PTGER3: variants seen among roughly 807,000 people sequenced by gnomAD.
PTGER3 encodes the protein prostaglandin E receptor 3.
A neutral mutation model predicts 34.7 loss-of-function variants in PTGER3; 22 were observed. The ratio of observed to expected loss-of-function variants is 0.63; its 90% CI spans 0.45 to 0.91. PTGER3 has a LOEUF of 0.91. Ranked by LOEUF, PTGER3 falls within the 40% of genes least tolerant of loss-of-function variation. The probability of loss-of-function intolerance (pLI) is 0.00; values close to 1 mark genes in which losing one functional copy is unlikely to be tolerated. For missense variants in PTGER3, 468 were observed against 519.4 expected (o/e 0.90, Z 0.96); for synonymous variants, 241 against 230.1 (o/e 1.05, Z -0.43).
At chr1:70,925,349 T>G (rs975462280) in intron 4 of PTGER3, among the ~76,000 whole-genome samples, 15 of 152,218 alleles carry the variant, frequency 9.9e-5, no homozygotes, top group Admixed American at 2.0e-4. Context: ...TAAAATAAGC[T>G]ATGTATATGT....
intron 1 of PTGER3, among the ~76,000 whole-genome samples, chr1:71,045,915 C>G (rs1005749): frequency 0.92 from 139,361 of 151,766 alleles, 64,117 homozygotes; most frequent in African/African-American, 0.97. Flanking sequence ...GTCGCGCAGT[C>G]TTTCAGAAGC....
rs565810419 is a variant in PTGER3, at chr1:70,899,579, A to AT, written c.*24-46721dup. Among the ~76,000 whole-genome samples the AT allele has an allele frequency of 4.1e-3, 625 of 152,146 alleles. 3 individuals are homozygous for AT. The highest frequency in any genetic ancestry group is 0.014 in the African/African-American group (598 of 41,510). On this transcript the variant is annotated intron_variant, in intron 4 of 4. Coordinates refer to the PTGER3 transcript ENST00000370931. ...AGGAAATCGGCATGAGCCAGATTAT[A>AT]TGGTGCTTTTATGCTTCTGCTTGGA...
intron 4 of PTGER3, among the ~76,000 whole-genome samples, chr1:70,906,544 C>T (rs911054940): frequency 6.6e-6 from 1 of 152,092 alleles, no homozygotes; most frequent in African/African-American, 2.4e-5. Flanking sequence ...GCTCTGGCAT[C>T]AATTGATCTA....
intron 1 of PTGER3, among the ~76,000 whole-genome samples, chr1:71,039,518 TG>T (rs1295523405): frequency 6.6e-6 from 1 of 150,910 alleles, no homozygotes; most frequent in Non-Finnish European, 1.5e-5. Flanking sequence ...GGTGTGGTGG[TG>T]GGCGCCTGTA....
chr1:71,027,832 T>C (rs1659069705), intron 1 of PTGER3, among the ~76,000 whole-genome samples: 1 of 152,188 alleles, frequency 6.6e-6, no homozygotes, highest in Non-Finnish European at 1.5e-5. Flanking sequence ...TAATGCAATA[T>C]TTTACTTTTT....
At chr1:70,949,372 C>T (rs1650524164), downstream of PTGER3, among the ~76,000 whole-genome samples, 2 of 152,178 alleles carry the variant, frequency 1.3e-5, no homozygotes, top group South Asian at 2.1e-4. Context: ...AGCTCCTCCT[C>T]TTAAAGTGTC....
intron 4 of PTGER3, among the ~76,000 whole-genome samples, chr1:70,902,902 G>C (rs181943708): frequency 5.8e-4 from 88 of 152,206 alleles, no homozygotes; most frequent in African/African-American, 2.0e-3. Flanking sequence ...TTGAATGCTG[G>C]CCCCCCAAAA....
At chr1:70,952,183 G>A (rs1002123630), downstream of PTGER3, among the ~76,000 whole-genome samples, 2 of 152,030 alleles carry the variant, frequency 1.3e-5, no homozygotes, top group Non-Finnish European at 2.9e-5. Context: ...ATGAATAGTA[G>A]AAGATATATT....
rs116357129 is a variant in PTGER3 at position 70,909,860 on chromosome 1, G to A, written c.*23+43903C>T. Among the ~76,000 whole-genome samples the A allele has an allele frequency of 5.9e-3, 892 of 152,226 alleles. 9 individuals are homozygous for A. The highest frequency in any genetic ancestry group is 9.5e-3 in the Non-Finnish European group (648 of 68,016). ...AAGAGTATTAGCTTTCTTCACTCTC[G>A]CTCACCTCAGAGGGTTAAGAATCAG... On this transcript the variant is annotated intron_variant, in intron 4 of 4. Coordinates refer to the PTGER3 transcript ENST00000370931.
chr1:70,884,987 T>C (rs1646467244), intron 4 of PTGER3, among the ~76,000 whole-genome samples: 1 of 152,214 alleles, frequency 6.6e-6, no homozygotes. Flanking sequence ...CTTCTAGATG[T>C]TAAAATCACA....
chr1:71,011,038 G>T (rs1657395819), intron 2 of PTGER3: 6 of 985,612 alleles, frequency 6.1e-6, no homozygotes, highest in Non-Finnish European at 7.2e-6. Context: ...AAAGAATATG[G>T]CAAGCTTTGT....
chr1:70,996,553 T>C (rs1334503516), intron 2 of PTGER3, among the ~76,000 whole-genome samples: 12 of 150,588 alleles, frequency 8.0e-5, no homozygotes, highest in South Asian at 2.1e-4. Flanking sequence ...CTCCGCCTCG[T>C]GGGTTCATGC....
downstream of PTGER3, among the ~76,000 whole-genome samples, chr1:70,967,739 T>C (rs1482034408): frequency 2.0e-5 from 3 of 152,298 alleles, no homozygotes; most frequent in Middle Eastern, 3.4e-3. Flanking sequence ...ACAAAGGATG[T>C]TGAAAAACTT....
rs189589574 is a variant in PTGER3, at chr1:70,935,728, T to G, written c.*23+18035A>C. ...TTCTGCCTTTTAAGCATTCAGAATGTGCATGCAAAGATATTCTCAGTGGTC... is the reference window on the plus strand; with the variant it reads ...TTCTGCCTTTTAAGCATTCAGAATGGGCATGCAAAGATATTCTCAGTGGTC... On this transcript the variant is annotated intron_variant, in intron 4 of 4. Transcript: ENST00000370931. Among the ~76,000 whole-genome samples the G allele has an allele frequency of 6.7e-3, 1,003 of 150,450 alleles. 9 individuals are homozygous for G. Among genetic ancestry groups the G allele is most frequent in the Middle Eastern group, 0.017 (5 of 288 alleles).
At chr1:70,869,016 C>T (rs977219030) in intron 4 of PTGER3, among the ~76,000 whole-genome samples, 6 of 152,116 alleles carry the variant, frequency 3.9e-5, no homozygotes, top group South Asian at 2.1e-4. Flanking sequence ...TAAAGCCTGC[C>T]GAACCATGAG....
chr1:71,010,988 T>C, intron 2 of PTGER3: 1 of 985,764 alleles, frequency 1.0e-6, no homozygotes, highest in Non-Finnish European at 1.2e-6. Context: ...ATGAAAATCT[T>C]CACAATAAAA....
intron 4 of PTGER3, among the ~76,000 whole-genome samples, chr1:70,907,630 G>T (rs1476512756): frequency 6.6e-6 from 1 of 152,194 alleles, no homozygotes; most frequent in Admixed American, 6.5e-5. Context: ...ATCATGAAAT[G>T]AATGGTACTT....
chr1:70,891,952 A>C (rs1042356933), intron 4 of PTGER3, among the ~76,000 whole-genome samples: 1 of 152,214 alleles, frequency 6.6e-6, no homozygotes, highest in African/African-American at 2.4e-5. Flanking sequence ...TGTTATACGG[A>C]AACAAAATCT....
At chr1:71,028,047 T>A (rs987134581) in intron 1 of PTGER3, among the ~76,000 whole-genome samples, 1 of 152,170 alleles carries the variant, frequency 6.6e-6, no homozygotes, top group Non-Finnish European at 1.5e-5. Flanking sequence ...GTAGGTATCA[T>A]CACTGCAGTG....
Sources: allele counts gnomAD v4.1 joint callset (sites outside exome capture counted in the v4.1 genomes callset), GRCh38; gene constraint gnomAD v4.1.1; transcripts MANE v1.5; gene names NCBI Gene and HGNC (gene_info 2026-07-23, HGNC 2026-07-21).